Variants in RSRC1 observed in about 807,000 individuals in gnomAD.
The protein encoded by RSRC1 is arginine and serine rich coiled-coil 1, also known as serine/Arginine-related protein 53.
RSRC1 carries 39 observed loss-of-function variants against 49.1 expected under a neutral mutation model. That is an observed-to-expected ratio of 0.79 (90% CI 0.61 to 1.04). The LOEUF (loss-of-function observed/expected upper bound fraction) is 1.04, where lower values mean the gene tolerates loss of function less well. Ranked by LOEUF, RSRC1 falls within the 50% of genes least tolerant of loss-of-function variation. RSRC1 has a pLI of 0.00. For synonymous variants in RSRC1, 143 were observed against 130.8 expected (o/e 1.09, Z -0.63); for missense variants, 388 against 402.4 (o/e 0.96, Z 0.31).
chr3:158,240,673 C>A (rs1437098319), intron 4 of RSRC1, among the ~76,000 whole-genome samples: 3 of 152,094 alleles, frequency 2.0e-5, no homozygotes, highest in Non-Finnish European at 4.4e-5. Context: ...TACCCATGGT[C>A]AACAGTGGTC....
At chr3:158,199,165 C>T (rs991572409) in intron 3 of RSRC1, among the ~76,000 whole-genome samples, 3 of 152,164 alleles carry the variant, frequency 2.0e-5, no homozygotes, top group African/African-American at 7.2e-5. Context: ...TCTTTGCCTG[C>T]TGCTATCCGC....
At chr3:158,527,477 A>G (rs1712110958) in intron 7 of RSRC1, among the ~76,000 whole-genome samples, 1 of 151,932 alleles carries the variant, frequency 6.6e-6, no homozygotes, top group South Asian at 2.1e-4. Context: ...CTAAGTAGAT[A>G]TGTTGCCTCT....
At chr3:158,441,933 A>AT (rs1736399603) in intron 6 of RSRC1, among the ~76,000 whole-genome samples, 1 of 152,090 alleles carries the variant, frequency 6.6e-6, no homozygotes, top group Non-Finnish European at 1.5e-5. Context: ...CACCACAACA[A>AT]AGCAAATGCC....
At chr3:158,175,550 G>A (rs143922926) in intron 3 of RSRC1, among the ~76,000 whole-genome samples, 129 of 151,730 alleles carry the variant, frequency 8.5e-4, no homozygotes, top group African/African-American at 2.9e-3. Context: ...TTTTTTCACT[G>A]TTCTCTAGGG....
chr3:158,518,093 TGC>T (rs1334052676), intron 7 of RSRC1, among the ~76,000 whole-genome samples: 38 of 83,638 alleles, frequency 4.5e-4, no homozygotes, highest in African/African-American at 1.9e-3. Context: ...CGTAAGTGCG[TGC>T]GTGTGTGTGT....
intron 7 of RSRC1, among the ~76,000 whole-genome samples, chr3:158,497,659 T>C (rs1739408488): frequency 6.6e-6 from 1 of 151,898 alleles, no homozygotes; most frequent in Non-Finnish European, 1.5e-5. Context: ...ATGACCTCGA[T>C]CTCTTGACCT....
At position 158,410,584 on chromosome 3, in the gene RSRC1, C is replaced by T. The variant is rs74447135; in HGVS notation, c.584-50351C>T. ...ACCGTATCTGTTTTGTATACCATGT[C>T]TTCAACACCTAGCATAGTTCCTAGC... On this transcript the variant is annotated intron_variant, in intron 6 of 9. Coordinates refer to ENST00000611884, the MANE Select transcript of RSRC1 (RefSeq NM_001271838.2). Among the ~76,000 whole-genome samples, 442 of 152,212 alleles carry T rather than the reference C, an allele frequency of 2.9e-3. 2 individuals are homozygous for T. In the East Asian group the frequency reaches 0.03, roughly 10 times the overall value.
chr3:158,336,955 A>C (rs1425190838), intron 5 of RSRC1, among the ~76,000 whole-genome samples: 1 of 152,186 alleles, frequency 6.6e-6, no homozygotes, highest in Admixed American at 6.5e-5. Context: ...TTGTTAGATG[A>C]AATCAGGGAG....
At chr3:158,351,784 T>G (rs1442427382) in intron 5 of RSRC1, among the ~76,000 whole-genome samples, 1 of 151,260 alleles carries the variant, frequency 6.6e-6, no homozygotes, top group African/African-American at 2.4e-5. Flanking sequence ...CTGGTTTTCT[T>G]TGTCTTTGAA....
intron 3 of RSRC1, among the ~76,000 whole-genome samples, chr3:158,128,905 G>C (rs1167702690): frequency 6.6e-6 from 1 of 152,102 alleles, no homozygotes; most frequent in Non-Finnish European, 1.5e-5. Context: ...ATTAGAGTGA[G>C]CTATGCATTT....
intron 7 of RSRC1, among the ~76,000 whole-genome samples, chr3:158,518,546 G>A (rs576459418): frequency 4.6e-4 from 70 of 151,752 alleles, no homozygotes; most frequent in African/African-American, 1.2e-3. Flanking sequence ...TAGAAGTACC[G>A]GTAGAAGTAT....
At chr3:158,193,893 A>G (rs556668828) in intron 3 of RSRC1, among the ~76,000 whole-genome samples, 1 of 152,282 alleles carries the variant, frequency 6.6e-6, no homozygotes, top group South Asian at 2.1e-4. Flanking sequence ...ACAATAAAAT[A>G]ATTAAACCTA....
At chr3:158,529,728 G>A (rs772506150) in intron 7 of RSRC1, among the ~76,000 whole-genome samples, 2 of 151,866 alleles carry the variant, frequency 1.3e-5, no homozygotes, top group African/African-American at 2.4e-5. Context: ...AAAAATTTCC[G>A]TGGACATATA....
chr3:158,528,444 T>C lies in RSRC1; in HGVS notation c.653-8648T>C, dbSNP rs1712179122. On this transcript the variant is annotated intron_variant, in intron 7 of 9. Coordinates refer to ENST00000611884, the MANE Select transcript of RSRC1 (RefSeq NM_001271838.2). ...CATTGAATTACATATCTTGCTTTTG[T>C]GTGCTAAGAAAAAAGAGCTGCGTAT... 2.0e-5 allele frequency among the ~76,000 whole-genome samples: 3 copies of C among 151,992 alleles called. No homozygotes were observed. The South Asian group carries it at 6.2e-4, about 32-fold the overall frequency.
intron 6 of RSRC1, among the ~76,000 whole-genome samples, chr3:158,423,289 A>C (rs558935975): frequency 6.6e-6 from 1 of 152,042 alleles, no homozygotes; most frequent in African/African-American, 2.4e-5. Flanking sequence ...TCAGCTTTCT[A>C]CATATGGCTA....
At position 158,189,365 on chromosome 3, in the gene RSRC1, A is replaced by C. The variant is rs537149987; in HGVS notation, c.321-13707A>C. 2.6e-5 allele frequency among the ~76,000 whole-genome samples: 4 copies of C among 151,992 alleles called. 1 individual carries two copies. Among genetic ancestry groups the C allele is most frequent in the Admixed American group, 2.6e-4 (4 of 15,226 alleles). Reference sequence around the variant, plus strand: ...TTCTGTGTCTTTACTTTCTAAATTTACGTTACAAATCCACAATCAAGATTC... The same window carrying C: ...TTCTGTGTCTTTACTTTCTAAATTTCCGTTACAAATCCACAATCAAGATTC... On this transcript the variant is annotated intron_variant, in intron 3 of 9. Transcript: ENST00000611884.
At chr3:158,119,025 T>A (rs1323653255) in intron 1 of RSRC1, among the ~76,000 whole-genome samples, 1 of 152,232 alleles carries the variant, frequency 6.6e-6, no homozygotes, top group Non-Finnish European at 1.5e-5. Flanking sequence ...TGTCTTTTTT[T>A]ACTGTGTCCT....
intron 6 of RSRC1, among the ~76,000 whole-genome samples, chr3:158,366,203 A>G (rs1380686186): frequency 2.6e-5 from 4 of 152,132 alleles, no homozygotes; most frequent in African/African-American, 9.7e-5. Context: ...TTGGTGTTTT[A>G]GTCATGAATT....
intron 6 of RSRC1, among the ~76,000 whole-genome samples, chr3:158,385,158 C>A (rs1232343830): frequency 6.6e-6 from 1 of 152,162 alleles, no homozygotes; most frequent in Non-Finnish European, 1.5e-5. Context: ...AGAGTACTTT[C>A]CCTTAGAATT....
Sources: gnomAD v4.1 joint callset for allele counts (sites outside exome capture counted in the v4.1 genomes callset) on GRCh38, gnomAD v4.1.1 for gene constraint, MANE v1.5 for transcripts, NCBI Gene and HGNC (gene_info 2026-07-23, HGNC 2026-07-21) for gene names.